Variants in GNA14 observed in about 807,000 individuals in gnomAD.
GNA14 encodes the protein guanine nucleotide-binding protein subunit alpha-14.
A neutral mutation model predicts 42.0 loss-of-function variants in GNA14; 50 were observed. The ratio of observed to expected loss-of-function variants is 1.19; its 90% CI spans 0.95 to 1.51. GNA14 has a LOEUF of 1.51. Among genes scored for constraint, GNA14 ranks in the 40% most tolerant of loss-of-function variants. The pLI, the probability that GNA14 is intolerant of heterozygous loss-of-function variation, is 0.00. For missense variants in GNA14, 473 were observed against 446.2 expected, an observed-to-expected ratio of 1.06 and a Z score of -0.54; for synonymous variants, 173 against 163.1, an observed-to-expected ratio of 1.06 and a Z score of -0.46.
intron 1 of GNA14, among the ~76,000 whole-genome samples, chr9:77,619,543 G>A (rs960986532): frequency 2.0e-5 from 3 of 152,110 alleles, no homozygotes; most frequent in African/African-American, 7.2e-5. Flanking sequence ...AACAGTAAGA[G>A]CAAGAAATCC....
intron 2 of GNA14, among the ~76,000 whole-genome samples, chr9:77,461,125 TC>T (rs1423566539): frequency 6.6e-6 from 1 of 152,152 alleles, no homozygotes; most frequent in East Asian, 1.9e-4. Context: ...CCCAGGTGGG[TC>T]CCCAGCAGGC....
At chr9:77,437,161 G>C (rs1385185996) in intron 2 of GNA14, among the ~76,000 whole-genome samples, 3 of 152,198 alleles carry the variant, frequency 2.0e-5, no homozygotes, top group Non-Finnish European at 2.9e-5. Flanking sequence ...TGTAACAAAT[G>C]CATTTCTATC....
chr9:77,643,483 C>T (rs1450405891), intron 1 of GNA14, among the ~76,000 whole-genome samples: 1 of 152,154 alleles, frequency 6.6e-6, no homozygotes, highest in Admixed American at 6.5e-5. Flanking sequence ...AGGTGATCCG[C>T]CCGCCTCAGC....
chr9:77,479,552 C>T (rs537895595), intron 2 of GNA14, among the ~76,000 whole-genome samples: 5 of 152,108 alleles, frequency 3.3e-5, no homozygotes, highest in Non-Finnish European at 7.4e-5. Flanking sequence ...TTATCCAATT[C>T]TTTGAAGAAA....
At chr9:77,468,490 C>T (rs1836275395) in intron 2 of GNA14, among the ~76,000 whole-genome samples, 1 of 152,150 alleles carries the variant, frequency 6.6e-6, no homozygotes, top group Non-Finnish European at 1.5e-5. Context: ...TCTGAAGTGG[C>T]CATCCTGTCC....
intron 2 of GNA14, among the ~76,000 whole-genome samples, chr9:77,514,864 C>T (rs745635216): frequency 2.0e-5 from 3 of 152,148 alleles, no homozygotes; most frequent in Admixed American, 6.5e-5. Flanking sequence ...CCGCCCACCT[C>T]GGCCTCCCAA....
Position 77,431,466 on chromosome 9 carries a change from G to C in GNA14, c.465-17C>G. 1 of 1,589,262 alleles carries C rather than the reference G, an allele frequency of 6.3e-7. No homozygotes were observed. On this transcript the variant is annotated splice_polypyrimidine_tract_variant and intron_variant, in intron 3 of 6. Transcript: ENST00000341700. The stretch of plus-strand genomic sequence containing the variant: ...GTCAGGTAACTGTATATTAGAGAAC[G>C]AGGAACTGACTCTCCTTTTAGAGCA...
chr9:77,483,735 A>G (rs1326562281), intron 2 of GNA14, among the ~76,000 whole-genome samples: 2 of 152,216 alleles, frequency 1.3e-5, no homozygotes, highest in Non-Finnish European at 2.9e-5. Flanking sequence ...CCAGAACTAA[A>G]GCACATAAAT....
At chr9:77,486,658 T>C (rs760429252) in intron 2 of GNA14, among the ~76,000 whole-genome samples, 1 of 152,198 alleles carries the variant, frequency 6.6e-6, no homozygotes, top group African/African-American at 2.4e-5. Flanking sequence ...TTTGAGACCA[T>C]TGTAGGATTA....
intron 1 of GNA14, among the ~76,000 whole-genome samples, chr9:77,571,987 A>G (rs1481105945): frequency 6.6e-6 from 1 of 152,004 alleles, no homozygotes; most frequent in African/African-American, 2.4e-5. Flanking sequence ...GTGTATTTAC[A>G]TTGTGTAAAT....
At chr9:77,454,769 A>G (rs1835970883) in intron 2 of GNA14, among the ~76,000 whole-genome samples, 3 of 152,112 alleles carry the variant, frequency 2.0e-5, no homozygotes, top group Non-Finnish European at 4.4e-5. Context: ...CTGCCCCACC[A>G]GTAGAGCAAA....
intron 2 of GNA14, among the ~76,000 whole-genome samples, chr9:77,528,542 T>C (rs892115084): frequency 1.3e-5 from 2 of 152,180 alleles, no homozygotes; most frequent in Admixed American, 6.5e-5. Context: ...ACCAGCACTT[T>C]ATGGGAGCAC....
rs192339612 is a variant in GNA14 at position 77,640,070 on chromosome 9, T to C, written c.124+7600A>G. Among the ~76,000 whole-genome samples the C allele has an allele frequency of 3.8e-3, 582 of 152,314 alleles. 4 individuals carry two copies. Among genetic ancestry groups the C allele is most frequent in the African/African-American group, 0.013 (555 of 41,566 alleles). On this transcript the variant is annotated intron_variant, in intron 1 of 6. Transcript: ENST00000341700. ...ATACATGTCCCCTGGCCAGAACTGA[T>C]TGATCCAGGAGTGCACCCTGATGCC...
chr9:77,646,312 T>C (rs1587860210), intron 1 of GNA14, among the ~76,000 whole-genome samples: 1 of 152,188 alleles, frequency 6.6e-6, no homozygotes, highest in Non-Finnish European at 1.5e-5. Flanking sequence ...CCTTAGAAGC[T>C]GGTATGGGTC....
chr9:77,556,506 A>G (rs1199683060), intron 1 of GNA14, among the ~76,000 whole-genome samples: 1 of 152,148 alleles, frequency 6.6e-6, no homozygotes, highest in African/African-American at 2.4e-5. Context: ...TGCATTCATT[A>G]TAAAGCTGAA....
chr9:77,496,181 G>C (rs1836864983), intron 2 of GNA14, among the ~76,000 whole-genome samples: 1 of 152,168 alleles, frequency 6.6e-6, no homozygotes, highest in African/African-American at 2.4e-5. Context: ...TGACATTTCA[G>C]ATAATGATAG....
chr9:77,576,732 T>C (rs1823133738), intron 1 of GNA14, among the ~76,000 whole-genome samples: 1 of 152,086 alleles, frequency 6.6e-6, no homozygotes. Context: ...TTTACGGAGA[T>C]GCTCTATGTT....
At chr9:77,601,353 GAA>G (rs948999215) in intron 1 of GNA14, among the ~76,000 whole-genome samples, 1 of 152,138 alleles carries the variant, frequency 6.6e-6, no homozygotes, top group African/African-American at 2.4e-5. Flanking sequence ...AGAAGTGAAA[GAA>G]AGAATCTTTT....
chr9:77,584,173 T>A (rs1823266591), intron 1 of GNA14, among the ~76,000 whole-genome samples: 1 of 152,174 alleles, frequency 6.6e-6, no homozygotes. Context: ...GCCAAGAAAC[T>A]GCGAAAGGTA....
Sources: allele counts gnomAD v4.1 joint callset (sites outside exome capture counted in the v4.1 genomes callset), GRCh38; gene constraint gnomAD v4.1.1; transcripts MANE v1.5; gene names NCBI Gene and HGNC (gene_info 2026-07-23, HGNC 2026-07-21).